Variants in FBXO21 observed in about 807,000 individuals in gnomAD.
FBXO21 encodes F-box protein 21.
A neutral mutation model predicts 76.6 loss-of-function variants in FBXO21; 32 were observed. The observed-to-expected ratio is 0.42, with a 90% CI of 0.32 to 0.56. The LOEUF (loss-of-function observed/expected upper bound fraction) is 0.56, where lower values mean the gene tolerates loss of function less well. FBXO21 is among the 20% of genes least tolerant of loss of function. The probability of loss-of-function intolerance (pLI) is 0.16; values close to 1 mark genes in which losing one functional copy is unlikely to be tolerated. For synonymous variants in FBXO21, 328 were observed against 311.5 expected, an observed-to-expected ratio of 1.05 and a Z score of -0.56; for missense variants, 586 against 797.3, an observed-to-expected ratio of 0.73 and a Z score of 3.19.
intron 3 of FBXO21, among the ~76,000 whole-genome samples, chr12:117,181,405 T>C (rs1353086129): frequency 2.0e-5 from 3 of 152,156 alleles, no homozygotes; most frequent in African/African-American, 7.2e-5. Flanking sequence ...TAAATGACTT[T>C]ACCTTTTTTG....
intron 10 of FBXO21, 141 bp from the exon 11 acceptor site, chr12:117,156,089 T>A: frequency 1.5e-6 from 1 of 663,852 alleles, no homozygotes. Flanking sequence ...CCCTAACCCC[T>A]TTTATAAACA....
chr12:117,172,636 C>T, intron 6 of FBXO21, 29 bp from the exon 7 acceptor site: 1 of 1,604,930 alleles, frequency 6.2e-7, no homozygotes. Flanking sequence ...TTTTATTTCA[C>T]TGGGATGAAC....
rs2135836826 is a variant in FBXO21, at chr12:117,144,099, A to T, written c.*1988T>A. The T allele has an allele frequency of 6.5e-6, 1 of 152,732 alleles. No individual in the cohort carries two copies. The highest frequency in any genetic ancestry group is 2.1e-4 in the South Asian group (1 of 4,824). 9.5% of individuals were successfully genotyped at this position (152,732 alleles called of 1,614,324 possible). Reference sequence around the variant, plus strand: ...AGAAAGACATTTAAAAACAGTCTAGATACATATGTACAGCTGGGTCAGTAA... The same window carrying T: ...AGAAAGACATTTAAAAACAGTCTAGTTACATATGTACAGCTGGGTCAGTAA... On this transcript the variant is annotated 3_prime_UTR_variant, in exon 12 of 12. Transcript: ENST00000622495.
intron 3 of FBXO21, among the ~76,000 whole-genome samples, chr12:117,184,889 A>G (rs1017964276): frequency 6.6e-6 from 1 of 152,224 alleles, no homozygotes; most frequent in African/African-American, 2.4e-5. Context: ...ACAATATAGA[A>G]AAGTACCTAT....
chr12:117,166,656 G>A (rs769198397), intron 8 of FBXO21, among the ~76,000 whole-genome samples: 47 of 152,162 alleles, frequency 3.1e-4, no homozygotes, highest in Admixed American at 6.6e-4. Flanking sequence ...TCTAATGATA[G>A]GAAGGTATAA....
chr12:117,156,777 C>G (rs1338324139), intron 10 of FBXO21, among the ~76,000 whole-genome samples: 1 of 152,082 alleles, frequency 6.6e-6, no homozygotes, highest in Non-Finnish European at 1.5e-5. Context: ...GAATGAAAAC[C>G]ACCAGCCAAA....
intron 3 of FBXO21, 118 bp downstream of exon 3, chr12:117,186,359 T>G (rs1307012771): frequency 2.7e-6 from 2 of 730,514 alleles, no homozygotes; most frequent in African/African-American, 3.5e-5. Context: ...AAACTGTAAC[T>G]ATGACAAGGC....
At chr12:117,179,891 T>C (rs555625890) in intron 3 of FBXO21, among the ~76,000 whole-genome samples, 3 of 152,312 alleles carry the variant, frequency 2.0e-5, no homozygotes, top group Admixed American at 1.3e-4. Context: ...AATGCTCATA[T>C]CTTCTATTTA....
intron 2 of FBXO21, among the ~76,000 whole-genome samples, chr12:117,187,069 T>C (rs1216197982): frequency 6.6e-6 from 1 of 151,092 alleles, no homozygotes; most frequent in Non-Finnish European, 1.5e-5. Context: ...TGAGCCAAGA[T>C]TGCGCCATTG....
At chr12:117,172,443 CCA>C (rs1399856966) in intron 7 of FBXO21, 26 bp downstream of exon 7, 1 of 1,602,720 alleles carries the variant, frequency 6.2e-7, no homozygotes, top group South Asian at 1.1e-5. Context: ...ATCTTCAGGA[CCA>C]CAGATAATGT....
intron 11 of FBXO21, among the ~76,000 whole-genome samples, chr12:117,153,610 G>T (rs939839243): frequency 3.6e-4 from 55 of 152,298 alleles, no homozygotes; most frequent in African/African-American, 1.3e-3. Context: ...CCCTGGAGAG[G>T]GAGGACCCTG....
At position 117,165,469 on chromosome 12, in the gene FBXO21, A is replaced by G; in HGVS notation, c.1326+16T>C. On this transcript the variant is annotated intron_variant, in intron 9 of 11. Coordinates refer to ENST00000622495, the MANE Select transcript of FBXO21 (RefSeq NM_015002.3). ...CTTTCTAAGGCAAGTGCAAAGCATC[A>G]AAGTAAAATAATTACCTTCTCTGGC... 6.2e-7 allele frequency: 1 copy of G among 1,611,658 alleles called. No individual in the cohort carries two copies. Among genetic ancestry groups the G allele is most frequent in the East Asian group, 2.2e-5 (1 of 44,874 alleles).
intron 7 of FBXO21, among the ~76,000 whole-genome samples, chr12:117,169,435 C>T (rs1229331675): frequency 6.6e-6 from 1 of 152,078 alleles, no homozygotes; most frequent in African/African-American, 2.4e-5. Context: ...ATGTAACAAA[C>T]TTGCACATGT....
intron 5 of FBXO21, 89 bp downstream of exon 5, chr12:117,174,562 A>G: frequency 6.8e-7 from 1 of 1,459,954 alleles, no homozygotes; most frequent in Non-Finnish European, 9.4e-7. Flanking sequence ...TTCATGACAT[A>G]ATGGCAGCAC....
intron 7 of FBXO21, 99 bp downstream of exon 7, chr12:117,172,372 T>C (rs1956126315): frequency 7.3e-7 from 1 of 1,363,676 alleles, no homozygotes; most frequent in Non-Finnish European, 1.0e-6. Context: ...ATTTTTAACC[T>C]GTGTGGTAAC....
chr12:117,178,198 T>C (rs1007627575), intron 3 of FBXO21, among the ~76,000 whole-genome samples: 3 of 152,200 alleles, frequency 2.0e-5, no homozygotes, highest in Non-Finnish European at 4.4e-5. Context: ...TCCATCATTC[T>C]AGTGAGGCAT....
chr12:117,181,281 T>TA (rs1416931901), intron 3 of FBXO21, among the ~76,000 whole-genome samples: 28 of 152,216 alleles, frequency 1.8e-4, no homozygotes, highest in Admixed American at 1.8e-3. Context: ...TGGCTGGATA[T>TA]AAAAATCCTT....
rs1024620384 is a variant in FBXO21 at position 117,143,313 on chromosome 12, G to A, written c.*2774C>T. On this transcript the variant is annotated 3_prime_UTR_variant, in exon 12 of 12. Coordinates refer to ENST00000622495, the MANE Select transcript of FBXO21 (RefSeq NM_015002.3). ...CGACGCACAGTACTGTGCGTCACAG[G>A]TATTGAGAAACACCACCATAGAGTC... is the stretch of plus-strand genomic sequence containing the variant. The A allele has an allele frequency of 2.1e-4, 32 of 152,094 alleles. No individual in the cohort carries two copies. The highest frequency in any genetic ancestry group is 7.7e-4 in the African/African-American group (32 of 41,402). The allele number at this position is 152,094 out of a possible 1,614,324, so 9.4% of individuals were successfully genotyped here.
rs980260157 is a variant in FBXO21 at position 117,144,350 on chromosome 12, A to G, written c.*1737T>C. On this transcript the variant is annotated 3_prime_UTR_variant, in exon 12 of 12. Coordinates refer to ENST00000622495, the MANE Select transcript of FBXO21 (RefSeq NM_015002.3). The stretch of plus-strand genomic sequence containing the variant: ...TGTGAGTGGTTACGTTTCCAGATGC[A>G]GGTTCAAATCCTTTGACTTTGGATT... 5.9e-5 allele frequency: 9 copies of G among 152,202 alleles called. No homozygotes were observed. Among genetic ancestry groups the G allele is most frequent in the African/African-American group, 2.2e-4 (9 of 41,448 alleles). The allele number at this position is 152,202 out of a possible 1,614,324, so 9.4% of individuals were successfully genotyped here.
Sources: allele counts gnomAD v4.1 joint callset (sites outside exome capture counted in the v4.1 genomes callset), GRCh38; gene constraint gnomAD v4.1.1; transcripts MANE v1.5; gene names NCBI Gene and HGNC (gene_info 2026-07-23, HGNC 2026-07-21).